FTO: variants seen among roughly 807,000 people sequenced by gnomAD.
The protein encoded by FTO is FTO alpha-ketoglutarate dependent dioxygenase.
A neutral mutation model predicts 63.9 loss-of-function variants in FTO; 47 were observed. That is an observed-to-expected ratio of 0.74 (90% confidence interval 0.58 to 0.94). The LOEUF is 0.94. Among genes scored for constraint, FTO ranks in the 40% least tolerant of loss-of-function variants. The pLI is 0.00. For synonymous variants in FTO, 207 were observed against 224.4 expected (o/e 0.92, Z 0.69); for missense variants, 562 against 618.1 (o/e 0.91, Z 0.96).
intron 1 of FTO, among the ~76,000 whole-genome samples, chr16:53,760,229 TGTGTGTGTGTGTGTGTGTGTGTGTGTGTG>T (rs1237660041): frequency 1.0e-4 from 7 of 67,722 alleles, no homozygotes; most frequent in African/African-American, 2.3e-4. Flanking sequence ...TGTGTGTGTG[TGTGTGTGTGTGTGTGTGTGTGTGTGTGTG>T]TGTTTTTTGG....
At chr16:53,976,386 C>T (rs1028503595) in intron 8 of FTO, among the ~76,000 whole-genome samples, 1 of 152,154 alleles carries the variant, frequency 6.6e-6, no homozygotes. Flanking sequence ...ATGGAATAAA[C>T]CATTCTTGCC....
intron 2 of FTO, among the ~76,000 whole-genome samples, chr16:53,819,215 G>T (rs968555595): frequency 6.6e-6 from 1 of 151,944 alleles, no homozygotes; most frequent in Non-Finnish European, 1.5e-5. Context: ...TTGAAATGGG[G>T]TCTCACTCTG....
At chr16:53,707,939 C>T (rs1459995293) in intron 1 of FTO, among the ~76,000 whole-genome samples, 1 of 152,198 alleles carries the variant, frequency 6.6e-6, no homozygotes, top group Non-Finnish European at 1.5e-5. Flanking sequence ...TTTGCCTTTT[C>T]TGGACATTTT....
intron 3 of FTO, among the ~76,000 whole-genome samples, chr16:53,831,835 G>A (rs1029465460): frequency 2.0e-5 from 3 of 152,152 alleles, no homozygotes; most frequent in Non-Finnish European, 4.4e-5. Flanking sequence ...GAAGCAACAA[G>A]TGTGGATGGA....
intron 8 of FTO, among the ~76,000 whole-genome samples, chr16:53,976,457 G>GTTT (rs59195557): frequency 6.6e-6 from 1 of 150,628 alleles, no homozygotes; most frequent in East Asian, 1.9e-4. Context: ...TATGTGTCAG[G>GTTT]TTTTTTTTTG....
chr16:53,943,373 T>C (rs918662550), intron 8 of FTO, among the ~76,000 whole-genome samples: 4 of 152,252 alleles, frequency 2.6e-5, no homozygotes, highest in African/African-American at 9.6e-5. Context: ...AATCAACACA[T>C]GGGCTTTAGC....
chr16:53,728,959 T>A (rs1024025568), intron 1 of FTO, among the ~76,000 whole-genome samples: 1 of 151,358 alleles, frequency 6.6e-6, no homozygotes, highest in African/African-American at 2.4e-5. Context: ...AGACAGGGTT[T>A]CACCATGTTG....
chr16:53,704,670 G>A (rs1046506935), intron 1 of FTO, among the ~76,000 whole-genome samples: 2 of 152,152 alleles, frequency 1.3e-5, no homozygotes, highest in Non-Finnish European at 2.9e-5. Flanking sequence ...ATAACAGTTT[G>A]TGTCTTTTAG....
intron 8 of FTO, among the ~76,000 whole-genome samples, chr16:53,986,871 G>A (rs2083680204): frequency 6.6e-6 from 1 of 152,180 alleles, no homozygotes; most frequent in African/African-American, 2.4e-5. Context: ...CTCAAATTCT[G>A]TCTGCTGTAG....
intron 7 of FTO, among the ~76,000 whole-genome samples, chr16:53,928,793 T>G (rs1364276137): frequency 6.6e-6 from 1 of 152,132 alleles, no homozygotes; most frequent in Non-Finnish European, 1.5e-5. Flanking sequence ...TACAATAAAA[T>G]TGGCCTTATT....
chr16:53,704,542 CTG>C (rs1971880629), intron 1 of FTO, among the ~76,000 whole-genome samples: 2 of 152,198 alleles, frequency 1.3e-5, no homozygotes, highest in South Asian at 2.1e-4. Context: ...TCTCAGATGA[CTG>C]TGATCATACC....
chr16:53,872,200 T>C (rs966836936), intron 4 of FTO, among the ~76,000 whole-genome samples: 1 of 152,224 alleles, frequency 6.6e-6, no homozygotes, highest in Non-Finnish European at 1.5e-5. Context: ...TACTCCTGGC[T>C]GTGTGTGAAA....
intron 2 of FTO, among the ~76,000 whole-genome samples, chr16:53,824,808 C>T (rs899530246): frequency 3.3e-5 from 5 of 152,124 alleles, no homozygotes; most frequent in African/African-American, 4.8e-5. Flanking sequence ...TCAGATCAAA[C>T]GTTACAGAGG....
chr16:53,931,810 G>C (rs2082290581), intron 7 of FTO, among the ~76,000 whole-genome samples: 2 of 149,152 alleles, frequency 1.3e-5, no homozygotes, highest in Non-Finnish European at 1.5e-5. Context: ...TGACCCACAT[G>C]GTATTTTTTT....
At chr16:53,728,385 C>A (rs969043971) in intron 1 of FTO, among the ~76,000 whole-genome samples, 1 of 152,182 alleles carries the variant, frequency 6.6e-6, no homozygotes, top group African/African-American at 2.4e-5. Context: ...ACTCAAACTA[C>A]CAATCTGAGT....
At chr16:53,888,751 A>G (rs1336167769) in intron 6 of FTO, 81 bp from the exon 7 acceptor site, 1 of 1,465,544 alleles carries the variant, frequency 6.8e-7, no homozygotes, top group East Asian at 2.3e-5. Flanking sequence ...TTACTGGAGG[A>G]GAATTAAGAG....
At chr16:53,812,489 C>T (rs1419573756) in intron 2 of FTO, among the ~76,000 whole-genome samples, 1 of 152,154 alleles carries the variant, frequency 6.6e-6, no homozygotes, top group Non-Finnish European at 1.5e-5. Context: ...GCTAGGATTA[C>T]AGGCATGAGC....
intron 8 of FTO, chr16:53,998,424 G>A (rs916117573): frequency 2.0e-5 from 3 of 152,196 alleles, no homozygotes; most frequent in Admixed American, 2.0e-4. Flanking sequence ...GAGAAGGTAG[G>A]CCTCTCAATC....
At chr16:53,956,151 T>A (rs1326509087) in intron 8 of FTO, among the ~76,000 whole-genome samples, 2 of 152,190 alleles carry the variant, frequency 1.3e-5, no homozygotes, top group African/African-American at 4.8e-5. Flanking sequence ...TAAAGATAAC[T>A]ATTGACAAAA....
Sources: gnomAD v4.1 joint callset for allele counts (sites outside exome capture counted in the v4.1 genomes callset) on GRCh38, gnomAD v4.1.1 for gene constraint, MANE v1.5 for transcripts, NCBI Gene and HGNC (gene_info 2026-07-23, HGNC 2026-07-21) for gene names.